ABHD12: variants seen among roughly 807,000 people sequenced by gnomAD.
The protein encoded by ABHD12 is abhydrolase domain containing 12, lysophospholipase.
Under a neutral mutation model 58.3 loss-of-function variants are expected in ABHD12, and 43 were observed. The observed-to-expected ratio is 0.74, with a 90% CI of 0.58 to 0.95. The LOEUF (loss-of-function observed/expected upper bound fraction) is 0.95, where lower values mean the gene tolerates loss of function less well. ABHD12 is among the 40% of genes least tolerant of loss of function. ABHD12 has a pLI of 0.00. For missense variants in ABHD12, 539 were observed against 537.2 expected (o/e 1.00, Z -0.03); for synonymous variants, 219 against 211.2 (o/e 1.04, Z -0.32).
intron 2 of ABHD12, among the ~76,000 whole-genome samples, chr20:25,335,235 T>C (rs569668900): frequency 3.9e-5 from 6 of 152,222 alleles, no homozygotes; most frequent in African/African-American, 9.6e-5. Context: ...ATTGGAGAAA[T>C]GCAAATCAAA....
intron 2 of ABHD12, among the ~76,000 whole-genome samples, chr20:25,329,747 A>G (rs1016597296): frequency 6.6e-6 from 1 of 152,200 alleles, no homozygotes; most frequent in Non-Finnish European, 1.5e-5. Flanking sequence ...GGCAGCCATA[A>G]GAGGTGTGGT....
At chr20:25,302,381 C>T in intron 11 of ABHD12, 35 bp from the exon 12 acceptor site, 1 of 1,611,310 alleles carries the variant, frequency 6.2e-7, no homozygotes, top group Non-Finnish European at 8.5e-7. Context: ...GAGGCAGTGG[C>T]CTGGCATGGG....
At chr20:25,355,255 C>A in intron 1 of ABHD12, among the ~76,000 whole-genome samples, 1 of 152,140 alleles carries the variant, frequency 6.6e-6, no homozygotes. Flanking sequence ...AAGAAGAGCA[C>A]TTCCATTCCC....
At chr20:25,317,168 G>A in intron 4 of ABHD12, 90 bp from the exon 5 acceptor site, 2 of 859,628 alleles carry the variant, frequency 2.3e-6, no homozygotes, top group Non-Finnish European at 3.9e-6. Context: ...ACCAGGGGGA[G>A]GCCAATGAAA....
intron 8 of ABHD12, 74 bp downstream of exon 8, chr20:25,308,383 A>G: frequency 6.4e-7 from 1 of 1,556,282 alleles, no homozygotes; most frequent in Non-Finnish European, 8.8e-7. Flanking sequence ...GACGCTGAGC[A>G]CTTGCAGCAG....
At chr20:25,325,834 G>A (rs925508357) in intron 2 of ABHD12, among the ~76,000 whole-genome samples, 2 of 151,902 alleles carry the variant, frequency 1.3e-5, no homozygotes, top group African/African-American at 4.8e-5. Context: ...ACTTTGGGAG[G>A]CCGAGGCAGG....
chr20:25,307,265 A>C (rs1315824458), intron 9 of ABHD12, among the ~76,000 whole-genome samples: 1 of 152,246 alleles, frequency 6.6e-6, no homozygotes, highest in Non-Finnish European at 1.5e-5. Flanking sequence ...ACCCCTGAGA[A>C]AGTGGGGTCT....
intron 11 of ABHD12, among the ~76,000 whole-genome samples, chr20:25,302,869 G>A (rs2088663358): frequency 2.6e-5 from 4 of 152,188 alleles, no homozygotes; most frequent in Admixed American, 2.6e-4. Flanking sequence ...GGCTGTCAGA[G>A]CAGGAAGTGC....
At chr20:25,321,034 AG>A (rs2089057008) in intron 3 of ABHD12, among the ~76,000 whole-genome samples, 1 of 152,218 alleles carries the variant, frequency 6.6e-6, no homozygotes, top group Admixed American at 6.5e-5. Flanking sequence ...TCTGGATACC[AG>A]TGACAAGAAT....
intron 1 of ABHD12, among the ~76,000 whole-genome samples, chr20:25,369,913 C>T (rs139236324): frequency 2.1e-5 from 2 of 97,450 alleles, no homozygotes; most frequent in Non-Finnish European, 1.9e-5. Flanking sequence ...GACCCTGTTT[C>T]TCTGTCTCTG....
rs149812737 is a variant in ABHD12, at chr20:25,374,303, A to T, written c.191+16210T>A. On this transcript the variant is annotated intron_variant, in intron 1 of 12. Transcript: ENST00000339157. ...AAATCTGTTTGGTTCTCTTTTCCCC[A>T]GGTTTCATGTTGAATAGTTGAGCTC... is the stretch of plus-strand genomic sequence containing the variant. Among the ~76,000 whole-genome samples, 506 of 151,888 alleles carry T rather than the reference A, an allele frequency of 3.3e-3. 4 individuals carry two copies. Among genetic ancestry groups the T allele is most frequent in the Non-Finnish European group, 4.0e-3 (272 of 67,928 alleles).
intron 1 of ABHD12, among the ~76,000 whole-genome samples, chr20:25,341,424 A>T (rs2089453054): frequency 6.6e-6 from 1 of 152,214 alleles, no homozygotes; most frequent in African/African-American, 2.4e-5. Context: ...CTAGCTTTTC[A>T]ATGAGGGTAC....
At chr20:25,365,748 CATTA>C (rs2089811195) in intron 1 of ABHD12, among the ~76,000 whole-genome samples, 1 of 152,220 alleles carries the variant, frequency 6.6e-6, no homozygotes, top group African/African-American at 2.4e-5. Flanking sequence ...TTTTGACTTT[CATTA>C]ATTAATAAAG....
chr20:25,390,475 C>G, intron 1 of ABHD12, 38 bp downstream of exon 1: 25 of 1,089,362 alleles, frequency 2.3e-5, no homozygotes, highest in East Asian at 8.1e-5. Context: ...AGTGAGGGAC[C>G]GGCCCCCCCC....
At chr20:25,304,336 G>A (rs561748046) in intron 10 of ABHD12, among the ~76,000 whole-genome samples, 16 of 152,364 alleles carry the variant, frequency 1.1e-4, no homozygotes, top group African/African-American at 3.4e-4. Flanking sequence ...TCTGATGTGC[G>A]AGTCCCTCTC....
At chr20:25,336,582 C>G (rs1363388275) in intron 2 of ABHD12, among the ~76,000 whole-genome samples, 1 of 152,208 alleles carries the variant, frequency 6.6e-6, no homozygotes, top group African/African-American at 2.4e-5. Context: ...ACCTCCCCAA[C>G]AAAATTCCAA....
In ABHD12 at chr20:25,306,839, T is replaced by G; in HGVS notation, c.944A>C (p.Asp315Ala). The G allele has an allele frequency of 6.2e-7, 1 of 1,608,638 alleles. No individual in the cohort carries two copies. The highest frequency in any genetic ancestry group is 8.5e-7 in the Non-Finnish European group (1 of 1,175,220). The change falls in exon 10 of 13, where the codon GAT becomes GCT. Residue 315 changes from aspartate to alanine, a missense_variant. Coordinates refer to ENST00000339157, the MANE Select transcript of ABHD12 (RefSeq NM_001042472.3). ...ITSSGIKFAN[D>A]ENVKHISCPL... ...CCTGTCCCATAATACTCACTTTTCA[T>G]CATTTGCAAATTTAATTCCACTACT...
At chr20:25,306,079 A>G (rs2088733148) in intron 10 of ABHD12, among the ~76,000 whole-genome samples, 1 of 152,070 alleles carries the variant, frequency 6.6e-6, no homozygotes, top group Non-Finnish European at 1.5e-5. Context: ...AGGTGGGATA[A>G]TCACTTGAAT....
At chr20:25,371,247 C>T (rs2089896477) in intron 1 of ABHD12, among the ~76,000 whole-genome samples, 1 of 152,166 alleles carries the variant, frequency 6.6e-6, no homozygotes, top group Non-Finnish European at 1.5e-5. Flanking sequence ...ATGGGCAATG[C>T]CTACATTGGG....
Sources: allele counts gnomAD v4.1 joint callset (sites outside exome capture counted in the v4.1 genomes callset), GRCh38; gene constraint gnomAD v4.1.1; transcripts MANE v1.5; gene names NCBI Gene and HGNC (gene_info 2026-07-23, HGNC 2026-07-21).